RPL7L1: variants seen among roughly 807,000 people sequenced by gnomAD.
RPL7L1 encodes the protein ribosomal protein L7 like 1, also known as ribosomal protein uL30-like.
In RPL7L1, 20 loss-of-function variants were observed where a neutral mutation model predicts 30.3. The ratio of observed to expected loss-of-function variants is 0.66; its 90% confidence interval spans 0.46 to 0.96. The LOEUF is 0.96. RPL7L1 is among the 40% of genes least tolerant of loss of function. The pLI is 0.00. For missense variants in RPL7L1, 271 were observed against 314.9 expected, an observed-to-expected ratio of 0.86 and a Z score of 1.05; for synonymous variants, 107 against 110.1, an observed-to-expected ratio of 0.97 and a Z score of 0.18.
At chr6:42,883,328 C>A (rs985435580) in intron 2 of RPL7L1, 123 bp from the exon 3 acceptor site, 3 of 713,320 alleles carry the variant, frequency 4.2e-6, no homozygotes, top group Non-Finnish European at 6.4e-6. Context: ...GAGAATGTTG[C>A]TTTGCTTCGC....
At chr6:42,885,379 G>A (rs553167855) in intron 4 of RPL7L1, among the ~76,000 whole-genome samples, 1 of 149,470 alleles carries the variant, frequency 6.7e-6, no homozygotes, top group East Asian at 2.0e-4. Context: ...TCGGGAGATC[G>A]AGACCATCCT....
In RPL7L1 at chr6:42,880,872, T is replaced by C. The variant is rs1766048686; in HGVS notation, c.53T>C (p.Ile18Thr). ...ATTTTCTGCATCAGGCAAAGAAAAA[T>C]CCCTTTGGTTCCAGAAAATCTCCTG... ...RKMAEQEQRK[I>T]PLVPENLLKK... Residue 18 changes from isoleucine to threonine, a missense_variant, in exon 2 of 6, where the codon ATC becomes ACC. By Grantham distance (89) the Ile-to-Thr change is moderately conservative. Transcript: ENST00000493763. 6.3e-7 allele frequency: 1 copy of C among 1,592,624 alleles called. No individual in the cohort carries two copies. Among genetic ancestry groups the C allele is most frequent in the African/African-American group, 1.3e-5 (1 of 74,192 alleles).
Position 42,884,645 on chromosome 6 carries a change from C to G in RPL7L1, c.344C>G (p.Thr115Ser). The change falls in exon 4 of 6, where the codon ACC becomes AGC. Residue 115 changes from threonine (T) to serine (S), a missense_variant. Physicochemically the swap from Thr to Ser is moderately conservative, Grantham distance 58 (BLOSUM62 1). Transcript: ENST00000493763. ...GGCGTGAGTTTACTGGTGCAGAGAACCATTGCAAGACTTCGCCTAAAGAAA... is the reference window on the plus strand; with the variant it reads ...GGCGTGAGTTTACTGGTGCAGAGAAGCATTGCAAGACTTCGCCTAAAGAAA... ...IDGVSLLVQR[T>S]IARLRLKKIF... 2 of 1,613,260 alleles carry G rather than the reference C, an allele frequency of 1.2e-6. No individual in the cohort carries two copies. Among genetic ancestry groups the G allele is most frequent in the Non-Finnish European group, 1.7e-6 (2 of 1,179,750 alleles).
At chr6:42,884,814 G>A (rs1346059439) in intron 4 of RPL7L1, 64 bp downstream of exon 4, 4 of 1,505,704 alleles carry the variant, frequency 2.7e-6, no homozygotes, top group Non-Finnish European at 3.6e-6. Context: ...GGGTGCACCG[G>A]GTATTGCTTT....
chr6:42,887,735 T>G lies in RPL7L1; in HGVS notation c.*1271T>G, dbSNP rs1766326513. ...GGAAGGAGTCCTGCTTTGTTGCATG[T>G]ATCCTAGGGTTTAATGTTGGTAAAT... is the stretch of plus-strand genomic sequence containing the variant. On this transcript the variant is annotated 3_prime_UTR_variant, in exon 6 of 6. Transcript: ENST00000493763. 7 of 151,648 alleles carry G rather than the reference T, an allele frequency of 4.6e-5. No individual in the cohort carries two copies. The highest frequency in any genetic ancestry group is 7.4e-5 in the Non-Finnish European group (5 of 67,810). 9.4% of individuals were successfully genotyped at this position (151,648 alleles called of 1,614,324 possible).
rs763177162 is a variant in RPL7L1, at chr6:42,884,682, T to G, written c.381T>G (p.Gly127=). ...ARLRLKKIFS[G]VFVKVTPQNL... ...TTCGCCTAAAGAAAATTTTTAGTGG[T>G]GTCTTTGTAAAAGTCACCCCCCAGA... is the stretch of plus-strand genomic sequence containing the variant. The change falls in exon 4 of 6, where the codon GGT becomes GGG. Residue 127 remains glycine, a synonymous_variant. Coordinates refer to ENST00000493763, the MANE Select transcript of RPL7L1 (RefSeq NM_001366481.3). 16 of 1,613,914 alleles carry G rather than the reference T, an allele frequency of 9.9e-6. No individual in the cohort carries two copies. In the South Asian group the frequency reaches 1.5e-4, roughly 16 times the overall value.
Position 42,886,767 on chromosome 6 carries a change from G to A in RPL7L1, c.*303G>A, listed in dbSNP as rs1176221946. The stretch of plus-strand genomic sequence containing the variant: ...TCCCAGCACTTTGGGAGGCCAAGGC[G>A]GGCAGACCATGAGGTCAGGAGATTG... On this transcript the variant is annotated 3_prime_UTR_variant, in exon 6 of 6. Transcript: ENST00000493763. 6 of 289,206 alleles carry A rather than the reference G, an allele frequency of 2.1e-5. No homozygotes were observed. The highest frequency in any genetic ancestry group is 1.9e-4 in the Admixed American group (4 of 21,182). The allele number at this position is 289,206 out of a possible 1,614,324, so 17.9% of individuals were successfully genotyped here.
intron 1 of RPL7L1, among the ~76,000 whole-genome samples, chr6:42,880,331 G>A (rs1165498050): frequency 6.6e-6 from 1 of 152,118 alleles, no homozygotes; most frequent in Non-Finnish European, 1.5e-5. Context: ...AGAGGCTAAA[G>A]GATTCATTAT....
In RPL7L1 at chr6:42,886,301, C is replaced by T. The variant is rs781149553; in HGVS notation, c.605C>T (p.Ala202Val). The T allele has an allele frequency of 1.9e-6, 3 of 1,611,292 alleles. No individual in the cohort carries two copies. The highest frequency in any genetic ancestry group is 2.5e-6 in the Non-Finnish European group (3 of 1,179,772). Residue 202 changes from alanine (A) to valine (V), a missense_variant, in exon 6 of 6, where the codon GCC becomes GTC. Physicochemically the swap from Ala to Val is moderately conservative, Grantham distance 64. Transcript: ENST00000493763. The stretch of plus-strand genomic sequence containing the variant: ...TTGGAAGACCTCATTCATGAAATTG[C>T]CTTCCCAGGGAAGCATTTCCAGGAG... Reference protein sequence around the residue: ...ICLEDLIHEIAFPGKHFQEIS... With the variant: ...ICLEDLIHEIVFPGKHFQEIS...
intron 5 of RPL7L1, 47 bp from the exon 6 acceptor site, chr6:42,886,209 G>T: frequency 6.5e-7 from 1 of 1,544,624 alleles, no homozygotes; most frequent in East Asian, 2.2e-5. Context: ...CTTAGTATAT[G>T]CTGGATACAT....
At position 42,883,567 on chromosome 6, in the gene RPL7L1, G is replaced by A. The variant is rs1243331706; in HGVS notation, c.264G>A (p.Leu88=). The A allele has an allele frequency of 1.2e-6, 2 of 1,604,478 alleles. No individual in the cohort carries two copies. Reference sequence around the variant, plus strand: ...GACTAGAAGTGAAACCTCATGCCTTGGAATTGCCAGATAAACATTCCTTGG... The same window carrying A: ...GACTAGAAGTGAAACCTCATGCCTTAGAATTGCCAGATAAACATTCCTTGG... ...LRRLEVKPHA[L]ELPDKHSLAF... Residue 88 remains leucine, a synonymous_variant, in exon 3 of 6, where the codon TTG becomes TTA. Coordinates refer to ENST00000493763, the MANE Select transcript of RPL7L1 (RefSeq NM_001366481.3).
chr6:42,883,359 A>C lies in RPL7L1; in HGVS notation c.148-92A>C, dbSNP rs1766148391. 3 of 964,804 alleles carry C rather than the reference A, an allele frequency of 3.1e-6. No individual in the cohort carries two copies. In the South Asian group the frequency reaches 7.1e-5, roughly 23 times the overall value. The allele number at this position is 964,804 out of a possible 1,614,324, so 59.8% of individuals were successfully genotyped here. ...TTCGCATTGTGGAACACGGGGAAAT[A>C]AGCTATATCAGTTGTCACTTATGAA... is the stretch of plus-strand genomic sequence containing the variant. On this transcript the variant is annotated intron_variant, in intron 2 of 5. Transcript: ENST00000493763.
At chr6:42,884,577 G>A (rs1766193034) in intron 3 of RPL7L1, 36 bp from the exon 4 acceptor site, 1 of 1,602,290 alleles carries the variant, frequency 6.2e-7, no homozygotes, top group Non-Finnish European at 8.5e-7. Flanking sequence ...ATAAACTGGA[G>A]GGAGTCTGTC....
rs778656414 is a variant in RPL7L1, at chr6:42,886,480, G to A, written c.*16G>A. On this transcript the variant is annotated 3_prime_UTR_variant, in exon 6 of 6. Transcript: ENST00000493763. ...GCTGAACTAGACCCAGGTGAGGCAG[G>A]GCTGAAAACTGCCCTTGGGCTGACT... 9.7e-6 allele frequency: 13 copies of A among 1,339,868 alleles called. No homozygotes were observed. The highest frequency in any genetic ancestry group is 2.4e-5 in the South Asian group (2 of 84,478). The allele number at this position is 1,339,868 out of a possible 1,614,324, so 83.0% of individuals were successfully genotyped here. A position where few individuals can be genotyped will look rare whatever the true frequency, so the allele number is the denominator to read the frequency against.
chr6:42,883,801 C>G (rs1766167431), intron 3 of RPL7L1, 187 bp downstream of exon 3: 1 of 397,082 alleles, frequency 2.5e-6, no homozygotes, highest in Non-Finnish European at 4.5e-6. Context: ...AAAATAAGTG[C>G]TATGAGGGTA....
rs551450009 is a variant in RPL7L1 at position 42,887,084 on chromosome 6, G to C, written c.*620G>C. 2.6e-5 allele frequency: 4 copies of C among 151,928 alleles called. No individual in the cohort carries two copies. In the East Asian group the frequency reaches 7.7e-4, roughly 29 times the overall value. 9.4% of individuals were successfully genotyped at this position (151,928 alleles called of 1,614,324 possible). On this transcript the variant is annotated 3_prime_UTR_variant, in exon 6 of 6. Transcript: ENST00000493763. Reference sequence around the variant, plus strand: ...TAACTGATTTCAAAAAGGACTTGAAGATGTGAATCATCTATTTTGCTGAAG... The same window carrying C: ...TAACTGATTTCAAAAAGGACTTGAACATGTGAATCATCTATTTTGCTGAAG...
intron 1 of RPL7L1, 29 bp downstream of exon 1, chr6:42,879,980 A>G (rs201212565): frequency 4.3e-6 from 7 of 1,611,242 alleles, no homozygotes; most frequent in Non-Finnish European, 5.9e-6. Context: ...GAATATCTGG[A>G]GTGGGGTCTT....
Position 42,886,371 on chromosome 6 carries a change from T to C in RPL7L1, c.675T>C (p.His225=). The part of the protein sequence containing the change: ...LCPFHLSVAR[H]ATKNRVGFLK... ...CTTTCCACCTCTCAGTGGCCCGTCA[T>C]GCTACCAAAAATAGAGTGGGCTTCC... is the stretch of plus-strand genomic sequence containing the variant. The change falls in exon 6 of 6, where the codon CAT becomes CAC. Residue 225 remains histidine, a synonymous_variant. Transcript: ENST00000493763. 1 of 1,601,106 alleles carries C rather than the reference T, an allele frequency of 6.2e-7. No homozygotes were observed. The highest frequency in any genetic ancestry group is 1.1e-5 in the South Asian group (1 of 90,988).
rs1412660212 is a variant in RPL7L1 at position 42,886,952 on chromosome 6, C to T, written c.*488C>T. On this transcript the variant is annotated 3_prime_UTR_variant, in exon 6 of 6. Coordinates refer to ENST00000493763, the MANE Select transcript of RPL7L1 (RefSeq NM_001366481.3). The stretch of plus-strand genomic sequence containing the variant: ...GAGATTGCAGTGAGCCAAGATTGCA[C>T]CAGTGCACTCCAGCTGGGCGACAGA... The T allele has an allele frequency of 1.3e-5, 2 of 148,576 alleles. No individual in the cohort carries two copies. The highest frequency in any genetic ancestry group is 2.6e-5 in the African/African-American group (1 of 39,052). The allele number at this position is 148,576 out of a possible 1,614,324, so 9.2% of individuals were successfully genotyped here.
Sources: allele counts gnomAD v4.1 joint callset (sites outside exome capture counted in the v4.1 genomes callset), GRCh38; gene constraint gnomAD v4.1.1; transcripts MANE v1.5; gene names NCBI Gene and HGNC (gene_info 2026-07-23, HGNC 2026-07-21).